Variants in BPIFB3 observed in about 807,000 individuals in gnomAD.
BPIFB3 encodes BPI fold-containing family B member 3.
A neutral mutation model predicts 53.1 loss-of-function variants in BPIFB3; 49 were observed. That is an observed-to-expected ratio of 0.92 (90% CI 0.73 to 1.17). The LOEUF (loss-of-function observed/expected upper bound fraction) is 1.17, where lower values mean the gene tolerates loss of function less well. Ranked by LOEUF, BPIFB3 falls within the 50% of genes most tolerant of loss-of-function variation. The probability of loss-of-function intolerance (pLI) is 0.00; values close to 1 mark genes in which losing one functional copy is unlikely to be tolerated. For synonymous variants in BPIFB3, 271 were observed against 269.6 expected (o/e 1.01, Z -0.05); for missense variants, 628 against 592.5 (o/e 1.06, Z -0.62).
intron 9 of BPIFB3, among the ~76,000 whole-genome samples, chr20:33,067,849 A>G (rs1021759632): frequency 2.0e-5 from 3 of 152,154 alleles, no homozygotes; most frequent in African/African-American, 7.2e-5. Flanking sequence ...ATTCTGTGGC[A>G]TGTGAGGGTG....
intron 13 of BPIFB3, 49 bp from the exon 15 acceptor site, chr20:33,072,668 A>C: frequency 6.5e-7 from 1 of 1,529,246 alleles, no homozygotes; most frequent in Non-Finnish European, 9.1e-7. Flanking sequence ...CTAGGGTCCA[A>C]GAGCTCCCCA....
chr20:33,064,981 G>C, intron 8 of BPIFB3, 136 bp downstream of exon 9: 1 of 964,156 alleles, frequency 1.0e-6, no homozygotes, highest in East Asian at 2.6e-5. Flanking sequence ...AACAAGTTTA[G>C]AGTGTGTACA....
chr20:33,071,282 C>T (rs769871046), exon 12 of BPIFB3: 4 of 1,564,784 alleles, frequency 2.6e-6, no homozygotes, highest in South Asian at 1.2e-5. Context: ...TCCTCCTTTA[C>T]CCATGCCTTT....
At chr20:33,062,544 T>C (rs950891864) in intron 5 of BPIFB3, among the ~76,000 whole-genome samples, 5 of 152,116 alleles carry the variant, frequency 3.3e-5, no homozygotes, top group African/African-American at 1.2e-4. Flanking sequence ...AGCAAGACCA[T>C]GTCAGGCAGG....
chr20:33,062,911 T>C (rs1980515265), intron 5 of BPIFB3, among the ~76,000 whole-genome samples: 1 of 152,180 alleles, frequency 6.6e-6, no homozygotes, highest in Non-Finnish European at 1.5e-5. Flanking sequence ...CCACTTGACA[T>C]GTGACAGCCC....
At position 33,060,047 on chromosome 20, in the gene BPIFB3, C is replaced by T; in HGVS notation, c.527+16C>T. ...TGTTCTCAGGGTGAGTCTGCAGGTT[C>T]CAGCCTGCAACCCTGACCCGCTCAG... On this transcript the variant is annotated intron_variant, in intron 4 of 14. Transcript: ENST00000375494. 2 of 1,612,786 alleles carry T rather than the reference C, an allele frequency of 1.2e-6. No individual in the cohort carries two copies. The highest frequency in any genetic ancestry group is 1.1e-5 in the South Asian group (1 of 91,002).
intron 10 of BPIFB3, 139 bp from the exon 12 acceptor site, chr20:33,069,749 T>A (rs1012704700): frequency 2.4e-6 from 2 of 826,870 alleles, no homozygotes; most frequent in African/African-American, 3.4e-5. Flanking sequence ...CAAATTACCT[T>A]CTCAGGGCTC....
At chr20:33,063,554 C>T (rs1980536501) in intron 5 of BPIFB3, 61 bp from the exon 7 acceptor site, 7 of 1,562,174 alleles carry the variant, frequency 4.5e-6, no homozygotes, top group Non-Finnish European at 6.2e-6. Context: ...ATTTAAAGAA[C>T]ATGCAGCTGT....
chr20:33,065,530 A>G (rs538168902), intron 8 of BPIFB3, among the ~76,000 whole-genome samples: 1 of 149,714 alleles, frequency 6.7e-6, no homozygotes, highest in East Asian at 2.0e-4. Context: ...GAAAGAAGGA[A>G]GGAAGGAAGG....
intron 5 of BPIFB3, among the ~76,000 whole-genome samples, chr20:33,062,316 C>T (rs1242905340): frequency 6.6e-6 from 1 of 152,176 alleles, no homozygotes. Flanking sequence ...GAGAGCTGGT[C>T]TGGCCCAAAC....
upstream of BPIFB3, among the ~76,000 whole-genome samples, chr20:33,054,908 G>C (rs1443215887): frequency 6.6e-6 from 1 of 152,182 alleles, no homozygotes; most frequent in Non-Finnish European, 1.5e-5. Flanking sequence ...CTAAGTGTTG[G>C]GTGTCCCCAG....
At chr20:33,055,190 A>G (rs1331201803), upstream of BPIFB3, among the ~76,000 whole-genome samples, 5 of 152,178 alleles carry the variant, frequency 3.3e-5, no homozygotes, top group Non-Finnish European at 5.9e-5. Flanking sequence ...ATGGAACCCA[A>G]TGAGGGAGAG....
intron 5 of BPIFB3, 70 bp from the exon 7 acceptor site, chr20:33,063,545 T>C (rs1980536173): frequency 6.5e-7 from 1 of 1,548,800 alleles, no homozygotes; most frequent in African/African-American, 1.4e-5. Context: ...TAGCAAAGCA[T>C]TTAAAGAACA....
intron 4 of BPIFB3, among the ~76,000 whole-genome samples, chr20:33,060,530 C>T (rs994337511): frequency 6.6e-6 from 1 of 152,170 alleles, no homozygotes; most frequent in Non-Finnish European, 1.5e-5. Flanking sequence ...GTCCAGGTGG[C>T]CCTCCCTACA....
chr20:33,072,682 A>G (rs1244629779), intron 13 of BPIFB3, 35 bp from the exon 15 acceptor site: 3 of 1,583,204 alleles, frequency 1.9e-6, no homozygotes, highest in African/African-American at 1.3e-5. Context: ...CTCCCCACCA[A>G]TGTACCTTTG....
chr20:33,056,916 G>C (rs1312156788), intron 2 of BPIFB3, among the ~76,000 whole-genome samples: 4 of 152,202 alleles, frequency 2.6e-5, no homozygotes, highest in Non-Finnish European at 5.9e-5. Context: ...GTCAACACTA[G>C]TTACTCACTG....
chr20:33,060,124 C>T (rs1409973853), intron 4 of BPIFB3, 93 bp downstream of exon 5: 22 of 1,513,302 alleles, frequency 1.5e-5, no homozygotes, highest in Non-Finnish European at 2.0e-5. Context: ...GAGCTGCCAG[C>T]TGCGGGGGCC....
rs139638139 is a variant in BPIFB3 at position 33,060,292 on chromosome 20, C to T, written c.527+261C>T. ...GTCTGGTTCACGGGATCCTGCCGTC[C>T]CCTCTCCGCCAGAGCGGGCCCAGGG... On this transcript the variant is annotated intron_variant, in intron 4 of 14. Transcript: ENST00000375494. 3.9e-5 allele frequency among the ~76,000 whole-genome samples: 6 copies of T among 152,324 alleles called. No homozygotes were observed. The East Asian group carries it at 1.2e-3, about 29-fold the overall frequency.
intron 9 of BPIFB3, among the ~76,000 whole-genome samples, chr20:33,067,300 G>A (rs1307350993): frequency 6.6e-6 from 1 of 152,232 alleles, no homozygotes; most frequent in Non-Finnish European, 1.5e-5. Context: ...ATAAGTACAT[G>A]ACTTCCAGGC....
Sources: allele counts gnomAD v4.1 joint callset (sites outside exome capture counted in the v4.1 genomes callset), GRCh38; gene constraint gnomAD v4.1.1; transcripts MANE v1.5; gene names NCBI Gene and HGNC (gene_info 2026-07-23, HGNC 2026-07-21).